The following EFR3A variants were observed in gnomAD, a reference collection of about 807,000 sequenced individuals.
The protein encoded by EFR3A is protein EFR3 homolog A.
EFR3A carries 76 observed loss-of-function variants against 104.4 expected under a neutral mutation model. The ratio of observed to expected loss-of-function variants is 0.73; its 90% CI spans 0.60 to 0.88. EFR3A has a LOEUF of 0.88. Among genes scored for constraint, EFR3A ranks in the 40% least tolerant of loss-of-function variants. The pLI is 0.00. For synonymous variants in EFR3A, 330 were observed against 330.0 expected (o/e 1.00, Z 0.00); for missense variants, 985 against 1,012.5 (o/e 0.97, Z 0.37).
intron 8 of EFR3A, 60 bp from the exon 9 acceptor site, chr8:131,968,235 G>C: frequency 6.6e-7 from 1 of 1,517,004 alleles, no homozygotes; most frequent in Non-Finnish European, 8.9e-7. Context: ...TTTATTCTTA[G>C]GAATTCTGCC....
At chr8:131,962,716 G>T (rs184415452) in intron 8 of EFR3A, among the ~76,000 whole-genome samples, 2 of 152,150 alleles carry the variant, frequency 1.3e-5, no homozygotes, top group African/African-American at 4.8e-5. Flanking sequence ...GCACCAAGTG[G>T]ACCTAATAGA....
At chr8:131,981,642 G>A (rs1026245416) in intron 14 of EFR3A, among the ~76,000 whole-genome samples, 1 of 152,062 alleles carries the variant, frequency 6.6e-6, no homozygotes, top group Non-Finnish European at 1.5e-5. Context: ...GGGTTCTGTA[G>A]GCACAGGATG....
At position 131,922,953 on chromosome 8, in the gene EFR3A, CTT is replaced by C. The variant is rs1817121137; in HGVS notation, c.11-17545_11-17544del. ...TTTTTGTAATTGGAATGCATATTGACTTACTACTGAATGCTTATTACTAATAA... is the reference window on the plus strand; with the variant it reads ...TTTTTGTAATTGGAATGCATATTGACACTACTGAATGCTTATTACTAATAA... On this transcript the variant is annotated intron_variant, in intron 1 of 22. Coordinates refer to ENST00000254624, the MANE Select transcript of EFR3A (RefSeq NM_015137.6). Among the ~76,000 whole-genome samples the C allele has an allele frequency of 2.0e-5, 3 of 152,186 alleles. No homozygotes were observed. The South Asian group carries it at 6.2e-4, about 32-fold the overall frequency.
intron 12 of EFR3A, among the ~76,000 whole-genome samples, chr8:131,977,972 A>T (rs977032777): frequency 6.6e-6 from 1 of 152,106 alleles, no homozygotes; most frequent in Non-Finnish European, 1.5e-5. Flanking sequence ...TAGAACTTTA[A>T]TCTGAAGTTT....
intron 2 of EFR3A, among the ~76,000 whole-genome samples, chr8:131,944,284 C>T (rs1368488450): frequency 6.6e-6 from 1 of 152,026 alleles, no homozygotes; most frequent in Admixed American, 6.6e-5. Context: ...GCTCTGAATA[C>T]TTTCTTGTTT....
intron 8 of EFR3A, among the ~76,000 whole-genome samples, chr8:131,962,889 C>T (rs533877438): frequency 2.6e-5 from 4 of 152,220 alleles, no homozygotes; most frequent in Non-Finnish European, 2.9e-5. Context: ...ACAATGCAAT[C>T]AAAGTAGAAC....
Position 132,001,967 on chromosome 8 carries a change from G to A in EFR3A, c.2206+160G>A, listed in dbSNP as rs549094352. 5.3e-5 allele frequency among the ~76,000 whole-genome samples: 8 copies of A among 152,232 alleles called. No individual in the cohort carries two copies. The East Asian group carries it at 7.7e-4, about 15-fold the overall frequency. The stretch of plus-strand genomic sequence containing the variant: ...ATCATTTATTTAGCTACATGTTTTA[G>A]GCTTCAGAATTGTCTTGTCCCTTCA... On this transcript the variant is annotated intron_variant, in intron 20 of 22. Coordinates refer to ENST00000254624, the MANE Select transcript of EFR3A (RefSeq NM_015137.6).
chr8:131,948,664 T>G (rs1818555178), intron 4 of EFR3A, among the ~76,000 whole-genome samples: 1 of 152,102 alleles, frequency 6.6e-6, no homozygotes, highest in Non-Finnish European at 1.5e-5. Context: ...TTTCTTTACT[T>G]TCACCCAGCA....
intron 1 of EFR3A, among the ~76,000 whole-genome samples, chr8:131,923,787 G>GTC (rs1329487658): frequency 2.0e-5 from 3 of 152,080 alleles, no homozygotes; most frequent in Admixed American, 2.0e-4. Flanking sequence ...GCACTCAGAA[G>GTC]AACTGCTTCT....
intron 22 of EFR3A, among the ~76,000 whole-genome samples, chr8:132,005,927 C>CATA (rs1822023226): frequency 6.6e-6 from 1 of 152,008 alleles, no homozygotes; most frequent in African/African-American, 2.4e-5. Flanking sequence ...AGTATGTTCT[C>CATA]TTGCCACAAA....
chr8:131,941,653 G>C (rs750562668), intron 2 of EFR3A, among the ~76,000 whole-genome samples: 1 of 152,096 alleles, frequency 6.6e-6, no homozygotes, highest in Non-Finnish European at 1.5e-5. Flanking sequence ...AAATCAGTAA[G>C]TAAAATGCTA....
chr8:131,984,378 A>G (rs754930946), intron 15 of EFR3A, 78 bp downstream of exon 15: 23 of 1,352,840 alleles, frequency 1.7e-5, no homozygotes, highest in Non-Finnish European at 2.0e-5. Context: ...GCCGTTATCC[A>G]AGGACATGAA....
chr8:131,924,046 A>G (rs1817181756), intron 1 of EFR3A: 1 of 359,570 alleles, frequency 2.8e-6, no homozygotes, highest in Non-Finnish European at 5.6e-6. Flanking sequence ...ACTTACTGTA[A>G]TTGCTGTATC....
At chr8:131,938,893 A>G (rs1378410934) in intron 1 of EFR3A, among the ~76,000 whole-genome samples, 1 of 152,138 alleles carries the variant, frequency 6.6e-6, no homozygotes. Flanking sequence ...GAGTGAGTGA[A>G]TAATGTTGTA....
intron 18 of EFR3A, among the ~76,000 whole-genome samples, chr8:131,991,635 G>C (rs900818940): frequency 6.6e-6 from 1 of 152,078 alleles, no homozygotes; most frequent in Non-Finnish European, 1.5e-5. Context: ...TTTTGCTAAA[G>C]CCTTCAGGGA....
intron 22 of EFR3A, 23 bp downstream of exon 22, chr8:132,003,308 A>G (rs368019407): frequency 6.2e-7 from 1 of 1,605,886 alleles, no homozygotes; most frequent in African/African-American, 1.3e-5. Flanking sequence ...TTATCACAAT[A>G]GCAATAACAC....
chr8:131,946,271 A>T lies in EFR3A; in HGVS notation c.216-212A>T, dbSNP rs140206975. Reference sequence around the variant, plus strand: ...AGGAGAAAATGGGGGAATACAGTGTATATTTTCTGTATACTTCGATAAAAG... The same window carrying T: ...AGGAGAAAATGGGGGAATACAGTGTTTATTTTCTGTATACTTCGATAAAAG... On this transcript the variant is annotated intron_variant, in intron 3 of 22. Transcript: ENST00000254624. Among the ~76,000 whole-genome samples, 742 of 152,234 alleles carry T rather than the reference A, an allele frequency of 4.9e-3. 3 individuals carry two copies. The highest frequency in any genetic ancestry group is 8.4e-3 in the Admixed American group (128 of 15,258).
At position 131,950,022 on chromosome 8, in the gene EFR3A, T is replaced by C. The variant is rs140117486; in HGVS notation, c.420T>C (p.Tyr140=). The C allele has an allele frequency of 2.7e-5, 43 of 1,608,010 alleles. No homozygotes were observed. The highest frequency in any genetic ancestry group is 3.6e-5 in the Non-Finnish European group (42 of 1,177,742). The change falls in exon 5 of 23, where the codon TAT becomes TAC. Residue 140 remains tyrosine, a synonymous_variant. Transcript: ENST00000254624. The stretch of plus-strand genomic sequence containing the variant: ...ACACACCATCCTATCACAGACGTTA[T>C]GACTTTTTTGTGTCTCGATTCAGTG... The part of the protein sequence containing the change: ...EEDTPSYHRR[Y]DFFVSRFSAM...
chr8:131,988,381 A>G (rs368679692), intron 18 of EFR3A, among the ~76,000 whole-genome samples: 1 of 152,066 alleles, frequency 6.6e-6, no homozygotes, highest in Non-Finnish European at 1.5e-5. Flanking sequence ...CTACAAGAGA[A>G]CCATTTGATT....
Sources: allele counts gnomAD v4.1 joint callset (sites outside exome capture counted in the v4.1 genomes callset), GRCh38; gene constraint gnomAD v4.1.1; transcripts MANE v1.5; gene names NCBI Gene and HGNC (gene_info 2026-07-23, HGNC 2026-07-21).